Variants in GAS7 observed in about 807,000 individuals in gnomAD.
The protein encoded by GAS7 is growth arrest-specific protein 7.
In GAS7, 28 loss-of-function variants were observed where a neutral mutation model predicts 71.1. The ratio of observed to expected loss-of-function variants is 0.39; its 90% CI spans 0.29 to 0.54. GAS7 has a LOEUF of 0.54. Among genes scored for constraint, GAS7 ranks in the 20% least tolerant of loss-of-function variants. The pLI is 0.62. For missense variants in GAS7, 436 were observed against 627.8 expected (o/e 0.69, Z 3.27); for synonymous variants, 258 against 245.8 (o/e 1.05, Z -0.46).
chr17:9,993,754 A>C (rs967921668), intron 2 of GAS7, among the ~76,000 whole-genome samples: 3 of 150,812 alleles, frequency 2.0e-5, no homozygotes, highest in Admixed American at 1.3e-4. Context: ...CTGTTTGCAG[A>C]CGACATGATT....
chr17:9,958,843 C>G (rs139867958), intron 5 of GAS7: 1 of 358,516 alleles, frequency 2.8e-6, no homozygotes, highest in Non-Finnish European at 4.4e-6. Flanking sequence ...ACAAAAGCAA[C>G]CCTGCCGTGG....
intron 1 of GAS7, among the ~76,000 whole-genome samples, chr17:10,164,081 G>A (rs903764756): frequency 1.3e-5 from 2 of 152,040 alleles, no homozygotes; most frequent in Non-Finnish European, 2.9e-5. Context: ...CTGGTCTGAC[G>A]TCATCAGTCT....
At chr17:10,028,474 T>C (rs2072527530) in intron 1 of GAS7, among the ~76,000 whole-genome samples, 1 of 152,198 alleles carries the variant, frequency 6.6e-6, no homozygotes, top group Non-Finnish European at 1.5e-5. Context: ...GTATTGTTTA[T>C]TTTATTGCAG....
chr17:10,062,445 G>A (rs1323052156), intron 1 of GAS7, among the ~76,000 whole-genome samples: 2 of 152,020 alleles, frequency 1.3e-5, no homozygotes, highest in African/African-American at 4.8e-5. Flanking sequence ...AGATTGCGTC[G>A]CTGCACTCCA....
intron 1 of GAS7, among the ~76,000 whole-genome samples, chr17:10,094,453 ATTTCTTTTTCTT>A (rs908538442): frequency 7.2e-5 from 11 of 152,010 alleles, no homozygotes; most frequent in Admixed American, 1.3e-4. Context: ...CTCTCTGGAT[ATTTCTTTTTCTT>A]TTTCTTTTTT....
At chr17:10,166,510 T>C (rs1228135063) in intron 1 of GAS7, among the ~76,000 whole-genome samples, 1 of 152,260 alleles carries the variant, frequency 6.6e-6, no homozygotes, top group African/African-American at 2.4e-5. Flanking sequence ...GATGCTTTCC[T>C]TTTATAATGT....
rs2073726524 is a variant in GAS7 at position 10,103,478 on chromosome 17, A to G, written c.184-83581T>C. On this transcript the variant is annotated intron_variant, in intron 1 of 13. Coordinates refer to ENST00000432992, the MANE Select transcript of GAS7 (RefSeq NM_201433.2). This position sits in a 1 kb window ranked among gnomAD's most constrained non-coding sequence, Gnocchi z 5.5. ...CTGTTTTCCATTTTCCAAAACAACG[A>G]TTTCATTTCTCAGATGATGGGAAAT... 6.6e-6 allele frequency among the ~76,000 whole-genome samples: 1 copy of G among 152,062 alleles called. No homozygotes were observed. The highest frequency in any genetic ancestry group is 2.4e-5 in the African/African-American group (1 of 41,396).
intron 1 of GAS7, among the ~76,000 whole-genome samples, chr17:10,150,795 G>A (rs1056052539): frequency 6.6e-6 from 1 of 151,870 alleles, no homozygotes; most frequent in Admixed American, 6.6e-5. Context: ...CACCATGTTG[G>A]CCAGGCTGGT....
chr17:10,122,670 C>T (rs759785399), intron 1 of GAS7, among the ~76,000 whole-genome samples: 4 of 152,168 alleles, frequency 2.6e-5, no homozygotes, highest in Admixed American at 1.3e-4. Context: ...TTTACCTCCA[C>T]GGAGCCTTGG....
chr17:10,155,907 T>A (rs2074201497), intron 1 of GAS7, among the ~76,000 whole-genome samples: 1 of 152,206 alleles, frequency 6.6e-6, no homozygotes, highest in Admixed American at 6.5e-5. Flanking sequence ...GTAGTACAGC[T>A]GGCATTGACA....
At chr17:10,054,488 A>G (rs1468957940) in intron 1 of GAS7, among the ~76,000 whole-genome samples, 1 of 152,214 alleles carries the variant, frequency 6.6e-6, no homozygotes, top group Non-Finnish European at 1.5e-5. Context: ...GTTGGCAACC[A>G]ACTGAAACAT....
At position 9,969,567 on chromosome 17, in the gene GAS7, G is replaced by A; in HGVS notation, c.471+110C>T. ...GACACAGCAACCACTTTCTACCTGG[G>A]GGCAGAACTGGGCTGCAGCCACCTG... is the stretch of plus-strand genomic sequence containing the variant. On this transcript the variant is annotated intron_variant, in intron 4 of 13. Coordinates refer to ENST00000432992, the MANE Select transcript of GAS7 (RefSeq NM_201433.2). The surrounding 1 kb of genome is among the most constrained non-coding windows in gnomAD (Gnocchi z 5.5). The A allele has an allele frequency of 5.8e-6, 4 of 685,684 alleles. No homozygotes were observed. The highest frequency in any genetic ancestry group is 3.4e-5 in the South Asian group (2 of 58,674). The allele number at this position is 685,684 out of a possible 1,614,324, so 42.5% of individuals were successfully genotyped here.
intron 7 of GAS7, 27 bp from the exon 8 acceptor site, chr17:9,940,227 A>G (rs747577069): frequency 1.3e-5 from 21 of 1,582,476 alleles, no homozygotes; most frequent in Non-Finnish European, 2.6e-6. Flanking sequence ...CCCAACACAC[A>G]TCAGCTCTCC....
chr17:10,177,942 G>A (rs1401803935), intron 1 of GAS7, among the ~76,000 whole-genome samples: 1 of 152,048 alleles, frequency 6.6e-6, no homozygotes, highest in Non-Finnish European at 1.5e-5. Context: ...CAGAACACCG[G>A]CCGCATTAGG....
chr17:10,130,549 C>T (rs1240818071), intron 1 of GAS7, among the ~76,000 whole-genome samples: 2 of 152,316 alleles, frequency 1.3e-5, no homozygotes, highest in South Asian at 2.1e-4. Flanking sequence ...TGTACACAAA[C>T]GTTCATACCA....
At position 10,013,876 on chromosome 17, in the gene GAS7, C is replaced by T. The variant is rs561192970; in HGVS notation, c.304+5901G>A. On this transcript the variant is annotated intron_variant, in intron 2 of 13. Coordinates refer to ENST00000432992, the MANE Select transcript of GAS7 (RefSeq NM_201433.2). The stretch of plus-strand genomic sequence containing the variant: ...CCTTGGCTGCTGCCTTACACCTGTG[C>T]TGCAAGGCCCCGGGTGATCTTCTAC... Among the ~76,000 whole-genome samples, 7 of 152,318 alleles carry T rather than the reference C, an allele frequency of 4.6e-5. No individual in the cohort carries two copies. The South Asian group carries it at 1.2e-3, about 27-fold the overall frequency.
intron 1 of GAS7, 67 bp downstream of exon 1, chr17:10,198,141 C>A: frequency 1.3e-6 from 2 of 1,485,706 alleles, no homozygotes; most frequent in South Asian, 1.1e-5. Flanking sequence ...CCGGAACGGG[C>A]AACAGGTACG....
intron 2 of GAS7, among the ~76,000 whole-genome samples, chr17:10,005,290 TA>T (rs2071479046): frequency 6.7e-6 from 1 of 149,530 alleles, no homozygotes; most frequent in Non-Finnish European, 1.5e-5. Flanking sequence ...TATACATGCA[TA>T]CATGTATATA....
At chr17:10,177,907 C>T (rs1287704230) in intron 1 of GAS7, among the ~76,000 whole-genome samples, 2 of 152,094 alleles carry the variant, frequency 1.3e-5, no homozygotes, top group Non-Finnish European at 2.9e-5. Context: ...CCCCAACTAC[C>T]TCAACACGCA....
Sources: allele counts gnomAD v4.1 joint callset (sites outside exome capture counted in the v4.1 genomes callset), GRCh38; gene constraint gnomAD v4.1.1; non-coding constraint Gnocchi (gnomAD v3.1); transcripts MANE v1.5; gene names NCBI Gene and HGNC (gene_info 2026-07-23, HGNC 2026-07-21).